CRYBG3: variants seen among roughly 807,000 people sequenced by gnomAD.
CRYBG3 encodes crystallin beta-gamma domain containing 3.
In CRYBG3, 127 loss-of-function variants were observed where a neutral mutation model predicts 244.2. The observed-to-expected ratio is 0.52, with a 90% confidence interval of 0.45 to 0.60. The LOEUF is 0.60. Ranked by LOEUF, CRYBG3 falls within the 20% of genes least tolerant of loss-of-function variation. CRYBG3 has a pLI of 0.00. For missense variants in CRYBG3, 3,325 were observed against 3,442.5 expected (o/e 0.97, Z 0.85); for synonymous variants, 1,132 against 1,195.8 (o/e 0.95, Z 1.10).
intron 19 of CRYBG3, among the ~76,000 whole-genome samples, chr3:97,939,169 A>C (rs1045076399): frequency 1.3e-5 from 2 of 152,014 alleles, no homozygotes; most frequent in Non-Finnish European, 1.5e-5. Flanking sequence ...TAGAACAGCC[A>C]CCTCTACTTT....
At chr3:97,865,670 G>A (rs1025904338) in intron 3 of CRYBG3, among the ~76,000 whole-genome samples, 2 of 152,130 alleles carry the variant, frequency 1.3e-5, no homozygotes, top group Non-Finnish European at 2.9e-5. Flanking sequence ...AGCAGAGTAG[G>A]CAGCCTAGAA....
At chr3:97,919,185 G>T (rs1035040074) in intron 17 of CRYBG3, among the ~76,000 whole-genome samples, 2 of 152,148 alleles carry the variant, frequency 1.3e-5, no homozygotes, top group African/African-American at 2.4e-5. Context: ...GTGACAGTCT[G>T]GAGGTGGTTT....
Position 97,926,525 on chromosome 3 carries a change from A to G in CRYBG3, c.8242-7169A>G, listed in dbSNP as rs117194569. Among the ~76,000 whole-genome samples, 17 of 151,976 alleles carry G rather than the reference A, an allele frequency of 1.1e-4. No individual in the cohort carries two copies. The East Asian group carries it at 3.3e-3, about 29-fold the overall frequency. ...AAACTGGAACAGGAGAAGGATGCCC[A>G]CTCTTACCTCTGCTGTTCAGTATAG... On this transcript the variant is annotated intron_variant, in intron 17 of 21. Transcript: ENST00000389622.
chr3:97,834,582 C>CTT (rs1196405515), intron 1 of CRYBG3, among the ~76,000 whole-genome samples: 1 of 152,122 alleles, frequency 6.6e-6, no homozygotes, highest in Non-Finnish European at 1.5e-5. Flanking sequence ...TGTAAACTCT[C>CTT]TTGCCTTTTA....
chr3:97,822,566 T>A (rs1470119286), intron 1 of CRYBG3, among the ~76,000 whole-genome samples: 2 of 152,026 alleles, frequency 1.3e-5, no homozygotes, highest in Non-Finnish European at 2.9e-5. Context: ...TAAATCGGGG[T>A]GAAGTTCTTG....
chr3:97,872,790 A>G lies in CRYBG3; in HGVS notation c.1596A>G (p.Glu532=), dbSNP rs1291340106. The part of the protein sequence containing the change: ...VAVREIRRET[E]SASAGESIAS... Reference sequence around the variant, plus strand: ...TTAGAGAAATCAGGCGAGAAACAGAAAGTGCCTCAGCTGGTGAATCCATAG... The same window carrying G: ...TTAGAGAAATCAGGCGAGAAACAGAGAGTGCCTCAGCTGGTGAATCCATAG... The change falls in exon 4 of 22, where the codon GAA becomes GAG. Residue 532 remains glutamate, a synonymous_variant. Coordinates refer to ENST00000389622, the MANE Select transcript of CRYBG3 (RefSeq NM_153605.4). 4 of 1,535,840 alleles carry G rather than the reference A, an allele frequency of 2.6e-6. No homozygotes were observed. In the African/African-American group the frequency reaches 4.1e-5, roughly 16 times the overall value.
Position 97,875,351 on chromosome 3 carries a change from T to A in CRYBG3, c.4157T>A (p.Leu1386Ter). The change falls in exon 4 of 22, where the codon TTA becomes TAA. Residue 1386 changes from leucine (L) to a stop codon, truncating the protein, a stop_gained. Coordinates refer to ENST00000389622, the MANE Select transcript of CRYBG3 (RefSeq NM_153605.4). LOFTEE classifies it high-confidence loss of function. ...AATGAATTCTTCTCCCTAAGTAACT[T>A]AGCTAGTGGCACAGAGTCAATTAAG... ...VLNEFFSLSN[L>*]ASGTESIKGG... 7.0e-7 allele frequency: 1 copy of A among 1,427,692 alleles called. No individual in the cohort carries two copies. The highest frequency in any genetic ancestry group is 1.6e-5 in the South Asian group (1 of 63,912). The allele number at this position is 1,427,692 out of a possible 1,614,324, so 88.4% of individuals were successfully genotyped here. A position where few individuals can be genotyped will look rare whatever the true frequency, so the allele number is the denominator to read the frequency against.
chr3:97,874,022 T>C lies in CRYBG3; in HGVS notation c.2828T>C (p.Ile943Thr). ...CTTCTTAAAAGTAATATATCTTGGA[T>C]TTTACCACCTATTCATGATGAAAAA... ...PALLKSNISW[I>T]LPPIHDEKIS... Residue 943 changes from isoleucine (I) to threonine (T), a missense_variant, in exon 4 of 22, where the codon ATT becomes ACT. By Grantham distance (89) the Ile-to-Thr change is moderately conservative (BLOSUM62 -1). Around this residue, in one of 4 missense-constraint regions of CRYBG3, gnomAD observed 1,526 missense variants for 1,443.2 expected, o/e 1.06. Transcript: ENST00000389622. 1 of 1,535,678 alleles carries C rather than the reference T, an allele frequency of 6.5e-7. No individual in the cohort carries two copies. The highest frequency in any genetic ancestry group is 8.7e-7 in the Non-Finnish European group (1 of 1,146,802).
chr3:97,872,918 A>G lies in CRYBG3; in HGVS notation c.1724A>G (p.His575Arg). ...GCCAAAAAGCTTGATTTTAGGTCAC[A>G]TGATAAAATTCCTCATATTAGAATG... The part of the protein sequence containing the change: ...TKAKKLDFRS[H>R]DKIPHIRMNK... The change falls in exon 4 of 22, where the codon CAT becomes CGT. Residue 575 changes from histidine to arginine, a missense_variant. This residue lies in a region of CRYBG3 where 1,526 missense variants were observed against 1,443.2 expected (regional missense o/e 1.06). Coordinates refer to ENST00000389622, the MANE Select transcript of CRYBG3 (RefSeq NM_153605.4). The G allele has an allele frequency of 6.5e-7, 1 of 1,529,882 alleles. No homozygotes were observed. Among genetic ancestry groups the G allele is most frequent in the South Asian group, 1.2e-5 (1 of 82,320 alleles). The allele number at this position is 1,529,882 out of a possible 1,614,324, so 94.8% of individuals were successfully genotyped here.
At chr3:97,908,564 T>A (rs1218738738) in intron 15 of CRYBG3, among the ~76,000 whole-genome samples, 5 of 152,198 alleles carry the variant, frequency 3.3e-5, no homozygotes, top group Non-Finnish European at 7.3e-5. Context: ...AGACTAGGAT[T>A]GCAACCCCTG....
At chr3:97,929,032 G>A (rs368580749) in intron 17 of CRYBG3, among the ~76,000 whole-genome samples, 116 of 152,036 alleles carry the variant, frequency 7.6e-4, no homozygotes, top group African/African-American at 2.6e-3. Context: ...GGAACAATGA[G>A]TTTTCTTCTT....
At chr3:97,929,439 AT>A (rs1442193063) in intron 17 of CRYBG3, among the ~76,000 whole-genome samples, 2 of 151,974 alleles carry the variant, frequency 1.3e-5, no homozygotes, top group Non-Finnish European at 2.9e-5. Context: ...CCAAAAGATT[AT>A]TAACCACCCC....
In CRYBG3 at chr3:97,886,707, T is replaced by C; in HGVS notation, c.7229T>C (p.Val2410Ala). 6.2e-7 allele frequency: 1 copy of C among 1,612,766 alleles called. No homozygotes were observed. Among genetic ancestry groups the C allele is most frequent in the African/African-American group, 1.3e-5 (1 of 74,938 alleles). ...ACCPVYIQRA[V>A]PNLEELNISK... ...TGTCCTGTCTACATACAGAGAGCAG[T>C]CCCCAATTTGGAAGAACTGAATATC... The change falls in exon 8 of 22, where the codon GTC becomes GCC. Residue 2410 changes from valine to alanine, a missense_variant. Physicochemically the swap from Val to Ala is moderately conservative, Grantham distance 64 (BLOSUM62 0). Around this residue, in one of 4 missense-constraint regions of CRYBG3, gnomAD observed 714 missense variants for 803.6 expected, o/e 0.89. Transcript: ENST00000389622.
Position 97,876,230 on chromosome 3 carries a change from T to C in CRYBG3, c.5036T>C (p.Ile1679Thr), listed in dbSNP as rs1374303935. 1.6e-6 allele frequency: 2 copies of C among 1,231,764 alleles called. No individual in the cohort carries two copies. Among genetic ancestry groups the C allele is most frequent in the Non-Finnish European group, 2.0e-6 (2 of 987,912 alleles). The allele number at this position is 1,231,764 out of a possible 1,614,324, so 76.3% of individuals were successfully genotyped here. Residue 1679 changes from isoleucine (I) to threonine (T), a missense_variant, in exon 4 of 22, where the codon ATT becomes ACT. This residue lies in a region of CRYBG3 where 635 missense variants were observed against 771.7 expected (regional missense o/e 0.82). Coordinates refer to ENST00000389622, the MANE Select transcript of CRYBG3 (RefSeq NM_153605.4). ...NIYQTHAEGD[I>T]GKTGTIALSE... ...TACCAAACGCATGCTGAAGGGGATATTGGCAAGACTGGGACGATAGCCTTG... is the reference window on the plus strand; with the variant it reads ...TACCAAACGCATGCTGAAGGGGATACTGGCAAGACTGGGACGATAGCCTTG...
At chr3:97,841,712 C>A (rs1212627490) in intron 1 of CRYBG3, among the ~76,000 whole-genome samples, 1 of 152,074 alleles carries the variant, frequency 6.6e-6, no homozygotes, top group African/African-American at 2.4e-5. Context: ...CACTCTCAGT[C>A]ATCCTCCTGC....
chr3:97,859,889 T>C (rs1457130309), intron 2 of CRYBG3, among the ~76,000 whole-genome samples: 1 of 152,188 alleles, frequency 6.6e-6, no homozygotes, highest in African/African-American at 2.4e-5. Context: ...TTAGAAATTA[T>C]ATTGTTCTCT....
rs539202009 is a variant in CRYBG3 at position 97,822,326 on chromosome 3, G to T, written c.120G>T (p.Pro40=). 1.3e-6 allele frequency: 2 copies of T among 1,512,146 alleles called. No individual in the cohort carries two copies. Among genetic ancestry groups the T allele is most frequent in the East Asian group, 2.6e-5 (1 of 38,340 alleles). The allele number at this position is 1,512,146 out of a possible 1,614,324, so 93.7% of individuals were successfully genotyped here. A position where few individuals can be genotyped will look rare whatever the true frequency, so the allele number is the denominator to read the frequency against. The part of the protein sequence containing the change: ...EEEEERPGTS[P]PPAPGRSAAS... ...AGGAGGAGAGGCCGGGGACGAGCCC[G>T]CCTCCAGCTCCAGGCCGGTCCGCTG... is the stretch of plus-strand genomic sequence containing the variant. The change falls in exon 1 of 22, where the codon CCG becomes CCT. Residue 40 remains proline, a synonymous_variant. Coordinates refer to ENST00000389622, the MANE Select transcript of CRYBG3 (RefSeq NM_153605.4).
rs201967601 is a variant in CRYBG3, at chr3:97,896,069, T to G, written c.7685T>G (p.Phe2562Cys). The G allele has an allele frequency of 1.9e-6, 3 of 1,611,590 alleles. No homozygotes were observed. Among genetic ancestry groups the G allele is most frequent in the Non-Finnish European group, 2.5e-6 (3 of 1,178,924 alleles). The part of the protein sequence containing the change: ...CGALSSPILS[F>C]RYLQANFIES... ...GCATTAAGTAGCCCTATCTTGTCTT[T>G]CCGGTACTTACAAGCTGTGAGTTAG... Residue 2562 changes from phenylalanine to cysteine, a missense_variant, in exon 12 of 22, where the codon TTC (phenylalanine) becomes TGC (cysteine). Physicochemically the swap from Phe to Cys is radical, Grantham distance 205. This residue lies in a region of CRYBG3 where 714 missense variants were observed against 803.6 expected (regional missense o/e 0.89). Transcript: ENST00000389622.
chr3:97,928,241 T>A (rs745480101), intron 17 of CRYBG3, among the ~76,000 whole-genome samples: 3 of 151,948 alleles, frequency 2.0e-5, no homozygotes, highest in Non-Finnish European at 4.4e-5. Context: ...GAATATCGAA[T>A]ATGTTCTTTG....
Sources: allele counts gnomAD v4.1 joint callset (sites outside exome capture counted in the v4.1 genomes callset), GRCh38; gene constraint gnomAD v4.1.1; regional missense constraint gnomAD v4.1.1; transcripts MANE v1.5; gene names NCBI Gene and HGNC (gene_info 2026-07-23, HGNC 2026-07-21).